DPEP1: variants seen among roughly 807,000 people sequenced by gnomAD.
The protein encoded by DPEP1 is dipeptidase 1.
A neutral mutation model predicts 42.3 loss-of-function variants in DPEP1; 50 were observed. The observed-to-expected ratio is 1.18, with a 90% CI of 0.94 to 1.50. DPEP1 has a LOEUF of 1.50. Among genes scored for constraint, DPEP1 ranks in the 40% most tolerant of loss-of-function variants. The probability of loss-of-function intolerance (pLI) is 0.00; values close to 1 mark genes in which losing one functional copy is unlikely to be tolerated. For synonymous variants in DPEP1, 297 were observed against 234.0 expected (o/e 1.27, Z -2.46); for missense variants, 663 against 553.0 (o/e 1.20, Z -1.99).
At chr16:89,620,307 C>T (rs1197479632) in intron 1 of DPEP1, among the ~76,000 whole-genome samples, 2 of 152,058 alleles carry the variant, frequency 1.3e-5, no homozygotes, top group Non-Finnish European at 2.9e-5. Flanking sequence ...CGACCTGGGA[C>T]CCCCAGGCCA....
At position 89,638,267 on chromosome 16, in the gene DPEP1, G is replaced by A. The variant is rs2151505368; in HGVS notation, c.*45G>A. The A allele has an allele frequency of 1.3e-6, 2 of 1,496,008 alleles. No individual in the cohort carries two copies. Among genetic ancestry groups the A allele is most frequent in the Non-Finnish European group, 1.8e-6 (2 of 1,124,800 alleles). 92.7% of individuals were successfully genotyped at this position (1,496,008 alleles called of 1,614,324 possible). A position where few individuals can be genotyped will look rare whatever the true frequency, so the allele number is the denominator to read the frequency against. On this transcript the variant is annotated 3_prime_UTR_variant, in exon 11 of 11. Coordinates refer to ENST00000690203, the MANE Select transcript of DPEP1 (RefSeq NM_001389466.1). ...CCCTTTAGGGTTCCCGGAGCTCCGG[G>A]AAGACCCGCCCATCCCAGGACTCCA... is the stretch of plus-strand genomic sequence containing the variant.
At chr16:89,638,606 G>A (rs1181037273), downstream of DPEP1, 2 of 659,200 alleles carry the variant, frequency 3.0e-6, no homozygotes, top group South Asian at 4.0e-5. Flanking sequence ...AGCGTCTTTA[G>A]GGACAGTCTA....
At chr16:89,616,361 G>A (rs965804999) in intron 1 of DPEP1, among the ~76,000 whole-genome samples, 2 of 152,178 alleles carry the variant, frequency 1.3e-5, no homozygotes, top group Non-Finnish European at 2.9e-5. Flanking sequence ...AGAGCAGTAT[G>A]GCCCAGCCAG....
chr16:89,640,659 G>A, downstream of DPEP1: 1 of 985,154 alleles, frequency 1.0e-6, no homozygotes, highest in African/African-American at 1.7e-5. Context: ...TCCCAGCCTG[G>A]CGTTTTCCGT....
chr16:89,614,621 C>T (rs951176771), intron 1 of DPEP1, among the ~76,000 whole-genome samples: 5 of 152,090 alleles, frequency 3.3e-5, no homozygotes, highest in African/African-American at 7.2e-5. Flanking sequence ...GGTGAAACCC[C>T]GTCTCTAATA....
At chr16:89,614,582 C>T (rs1191184458) in intron 1 of DPEP1, among the ~76,000 whole-genome samples, 1 of 152,206 alleles carries the variant, frequency 6.6e-6, no homozygotes, top group Non-Finnish European at 1.5e-5. Context: ...ATCATGAGGT[C>T]AGGAGATCGA....
intron 1 of DPEP1, among the ~76,000 whole-genome samples, chr16:89,627,773 C>T (rs1300787938): frequency 1.4e-5 from 2 of 142,554 alleles, no homozygotes; most frequent in East Asian, 4.2e-4. Flanking sequence ...TGATTCTCCT[C>T]CAAAAGCCTC....
In DPEP1 at chr16:89,635,439, C is replaced by T. The variant is rs538579478; in HGVS notation, c.105-469C>T. 4.6e-5 allele frequency among the ~76,000 whole-genome samples: 7 copies of T among 152,332 alleles called. No individual in the cohort carries two copies. The East Asian group carries it at 9.6e-4, about 21-fold the overall frequency. On this transcript the variant is annotated intron_variant, in intron 2 of 10. Coordinates refer to ENST00000690203, the MANE Select transcript of DPEP1 (RefSeq NM_001389466.1). ...CCCAGGAGGATGGGGGTCCCAGGCC[C>T]CCCAAGGTCAGGCCGTTCCAATTAC...
intron 2 of DPEP1, among the ~76,000 whole-genome samples, chr16:89,634,251 G>A (rs1320676794): frequency 7.9e-5 from 12 of 151,898 alleles, no homozygotes; most frequent in Admixed American, 7.9e-4. Context: ...ACCACTCCCG[G>A]CTAATTTTTG....
In DPEP1 at chr16:89,617,002, G is replaced by A. The variant is rs78585746; in HGVS notation, c.-107+3283G>A. 1,305 of 226,192 alleles carry A rather than the reference G, an allele frequency of 5.8e-3. 16 individuals are homozygous for A. Among genetic ancestry groups the A allele is most frequent in the African/African-American group, 0.029 (1,235 of 42,250 alleles). 14.0% of individuals were successfully genotyped at this position (226,192 alleles called of 1,614,324 possible). ...CAGAGAATGGGGCGGGAGGCTGGAG[G>A]TCCTGGGCAGGCCCTGGAGCAGAAG... On this transcript the variant is annotated intron_variant, in intron 1 of 10. Coordinates refer to ENST00000690203, the MANE Select transcript of DPEP1 (RefSeq NM_001389466.1).
At position 89,637,908 on chromosome 16, in the gene DPEP1, G is replaced by T. The variant is rs370906068; in HGVS notation, c.1002G>T (p.Thr334=). The T allele has an allele frequency of 1.2e-6, 2 of 1,612,108 alleles. No homozygotes were observed. The highest frequency in any genetic ancestry group is 1.3e-5 in the African/African-American group (1 of 74,884). The part of the protein sequence containing the change: ...LIAELLRRNW[T]EAEVKGALAD... ...CTGAGCTGCTCAGGAGGAACTGGAC[G>T]GAGGCGGAGGTCAAGGGCGCACTGG... The change falls in exon 10 of 11, where the codon ACG becomes ACT. Residue 334 remains threonine, a synonymous_variant. Transcript: ENST00000690203.
chr16:89,634,029 C>A (rs2059625439), intron 2 of DPEP1, among the ~76,000 whole-genome samples: 1 of 152,030 alleles, frequency 6.6e-6, no homozygotes, highest in African/African-American at 2.4e-5. Flanking sequence ...GAGATCGTAG[C>A]CTAGAGCCTG....
chr16:89,638,205 T>C lies in DPEP1; in HGVS notation c.1219T>C (p.Cys407Arg). 1 of 1,575,354 alleles carries C rather than the reference T, an allele frequency of 6.3e-7. No individual in the cohort carries two copies. Among genetic ancestry groups the C allele is most frequent in the Non-Finnish European group, 8.6e-7 (1 of 1,159,058 alleles). Residue 407 changes from cysteine (C) to arginine (R), a missense_variant, in exon 11 of 11, where the codon TGT (cysteine) becomes CGT (arginine). Cys to Arg is a radical substitution (Grantham distance 180, BLOSUM62 -3). Coordinates refer to ENST00000690203, the MANE Select transcript of DPEP1 (RefSeq NM_001389466.1). The part of the protein sequence containing the change: ...LLASLAPLVL[C>R]LSLL ...GGCCTCCCTCGCTCCCCTGGTCCTC[T>C]GTCTGTCTCTCCTGTGAAACCTGGG...
intron 2 of DPEP1, among the ~76,000 whole-genome samples, chr16:89,631,710 A>C (rs1036735635): frequency 1.3e-5 from 2 of 152,196 alleles, no homozygotes; most frequent in Admixed American, 1.3e-4. Context: ...ACAAAAAATT[A>C]GCCAGGCATG....
chr16:89,627,429 A>C (rs1441647916), intron 1 of DPEP1, among the ~76,000 whole-genome samples: 2 of 150,788 alleles, frequency 1.3e-5, no homozygotes, highest in African/African-American at 2.4e-5. Flanking sequence ...CTAAAAATAC[A>C]AAAAAAATTA....
chr16:89,621,534 A>G (rs1341330602), intron 1 of DPEP1, among the ~76,000 whole-genome samples: 1 of 152,150 alleles, frequency 6.6e-6, no homozygotes, highest in Non-Finnish European at 1.5e-5. Flanking sequence ...GGAGAGAGAC[A>G]GGGCCGGGCT....
Position 89,630,515 on chromosome 16 carries a change from G to C in DPEP1, c.104+1G>C, listed in dbSNP as rs1270639414. ...TGAGGGACTCCCCTGTCATTGATGG[G>C]TGAGTGCTCACCTGAGCCAGGTGCT... is the stretch of plus-strand genomic sequence containing the variant. On this transcript the variant is annotated splice_donor_variant, in intron 2 of 10. Coordinates refer to ENST00000690203, the MANE Select transcript of DPEP1 (RefSeq NM_001389466.1). LOFTEE classifies it high-confidence loss of function. The C allele has an allele frequency of 6.3e-7, 1 of 1,582,436 alleles. No individual in the cohort carries two copies. Among genetic ancestry groups the C allele is most frequent in the African/African-American group, 1.4e-5 (1 of 71,818 alleles).
chr16:89,616,575 C>T (rs76123188), intron 1 of DPEP1, among the ~76,000 whole-genome samples: 3,055 of 152,306 alleles, frequency 0.02, 109 homozygotes, highest in African/African-American at 0.07. Flanking sequence ...ACAGATGCTT[C>T]TGGTTCTGGC....
At chr16:89,640,931 G>T (rs984366790), downstream of DPEP1, among the ~76,000 whole-genome samples, 2 of 152,202 alleles carry the variant, frequency 1.3e-5, no homozygotes, top group Non-Finnish European at 2.9e-5. Flanking sequence ...GGCAAAAGGG[G>T]CAGGGTCAGG....
Sources: gnomAD v4.1 joint callset for allele counts (sites outside exome capture counted in the v4.1 genomes callset) on GRCh38, gnomAD v4.1.1 for gene constraint, MANE v1.5 for transcripts, NCBI Gene and HGNC (gene_info 2026-07-23, HGNC 2026-07-21) for gene names.